LRRC28: variants seen among roughly 807,000 people sequenced by gnomAD.
LRRC28 encodes the protein leucine rich repeat containing 28, also known as leucine-rich repeat-containing protein 28.
LRRC28 carries 39 observed loss-of-function variants against 45.7 expected under a neutral mutation model. That is an observed-to-expected ratio of 0.85 (90% confidence interval 0.66 to 1.12). The LOEUF (loss-of-function observed/expected upper bound fraction) is 1.12, where lower values mean the gene tolerates loss of function less well. LRRC28 is among the 50% of genes most tolerant of loss of function. The probability of loss-of-function intolerance (pLI) is 0.00; values close to 1 mark genes in which losing one functional copy is unlikely to be tolerated. For synonymous variants in LRRC28, 206 were observed against 178.8 expected, an observed-to-expected ratio of 1.15 and a Z score of -1.22; for missense variants, 435 against 438.5, an observed-to-expected ratio of 0.99 and a Z score of 0.07.
At chr15:99,259,239 C>T (rs1364268607) in intron 2 of LRRC28, 1 of 1,045,648 alleles carries the variant, frequency 9.6e-7, no homozygotes, top group African/African-American at 1.6e-5. Flanking sequence ...TGCCTCATGG[C>T]TGGGTCCAGC....
At chr15:99,314,420 A>G (rs1364256722) in intron 5 of LRRC28, among the ~76,000 whole-genome samples, 2 of 150,592 alleles carry the variant, frequency 1.3e-5, no homozygotes, top group Admixed American at 1.3e-4. Flanking sequence ...CCTGGGTGAC[A>G]GAGTGAGACC....
intron 5 of LRRC28, among the ~76,000 whole-genome samples, chr15:99,305,892 A>AT (rs1302115561): frequency 6.6e-6 from 1 of 152,224 alleles, no homozygotes; most frequent in Non-Finnish European, 1.5e-5. Flanking sequence ...ATAACTTCGC[A>AT]TTTCTCCTTC....
chr15:99,335,760 T>C (rs527347015), intron 6 of LRRC28, among the ~76,000 whole-genome samples: 1 of 152,140 alleles, frequency 6.6e-6, no homozygotes, highest in South Asian at 2.1e-4. Context: ...GAGATGGAAG[T>C]GTGACCTACA....
intron 2 of LRRC28, among the ~76,000 whole-genome samples, chr15:99,260,509 G>A (rs962024807): frequency 4.6e-5 from 7 of 152,106 alleles, no homozygotes; most frequent in South Asian, 2.1e-4. Flanking sequence ...TTTGATTTAC[G>A]TATATCAAAG....
intron 5 of LRRC28, among the ~76,000 whole-genome samples, chr15:99,301,019 A>G (rs1381322670): frequency 6.6e-6 from 1 of 152,192 alleles, no homozygotes; most frequent in Non-Finnish European, 1.5e-5. Context: ...AGGAAGAATC[A>G]CCATTACTGT....
intron 3 of LRRC28, among the ~76,000 whole-genome samples, chr15:99,281,110 C>G (rs1374090653): frequency 2.6e-5 from 4 of 152,006 alleles, no homozygotes; most frequent in African/African-American, 9.7e-5. Flanking sequence ...TCGTTGCAGC[C>G]TTGAACTCCT....
chr15:99,309,655 C>T (rs894932977), intron 5 of LRRC28, among the ~76,000 whole-genome samples: 28 of 152,318 alleles, frequency 1.8e-4, no homozygotes, highest in Middle Eastern at 3.4e-3. Context: ...GATCTGCCTG[C>T]CTTGGCCTCC....
At chr15:99,344,087 C>T (rs1393296182) in intron 6 of LRRC28, among the ~76,000 whole-genome samples, 1 of 152,170 alleles carries the variant, frequency 6.6e-6, no homozygotes, top group Admixed American at 6.5e-5. Flanking sequence ...TGCTGGTTCT[C>T]TTCATCATCC....
At chr15:99,276,688 A>G (rs1322250704) in intron 3 of LRRC28, 72 bp downstream of exon 3, 1 of 1,202,712 alleles carries the variant, frequency 8.3e-7, no homozygotes, top group African/African-American at 1.6e-5. Context: ...ATAATAGGAT[A>G]TGTCATCTTA....
Position 99,350,041 on chromosome 15 carries a change from C to T in LRRC28, c.593-2328C>T, listed in dbSNP as rs570991552. 5.3e-5 allele frequency among the ~76,000 whole-genome samples: 8 copies of T among 149,658 alleles called. No homozygotes were observed. The South Asian group carries it at 1.7e-3, about 32-fold the overall frequency. ...GTCCCAGCTACTCGGGAGGCTGAGG[C>T]AGGAGAATGGCGTGAACCCGGGAAG... On this transcript the variant is annotated intron_variant, in intron 6 of 9. Coordinates refer to ENST00000301981, the MANE Select transcript of LRRC28 (RefSeq NM_144598.5).
At chr15:99,346,252 G>A (rs1397078) in intron 6 of LRRC28, among the ~76,000 whole-genome samples, 1 of 151,978 alleles carries the variant, frequency 6.6e-6, no homozygotes, top group African/African-American at 2.4e-5. Context: ...TTGTGGCTCA[G>A]TACAGCCTGG....
intron 9 of LRRC28, among the ~76,000 whole-genome samples, chr15:99,374,825 G>A (rs771954364): frequency 5.9e-5 from 9 of 151,412 alleles, no homozygotes; most frequent in Middle Eastern, 3.4e-3. Flanking sequence ...CCACCACCAC[G>A]CCTGGCTAAA....
In LRRC28 at chr15:99,306,682, T is replaced by A. The variant is rs549844639; in HGVS notation, c.385+18731T>A. On this transcript the variant is annotated intron_variant, in intron 5 of 9. Coordinates refer to ENST00000301981, the MANE Select transcript of LRRC28 (RefSeq NM_144598.5). ...TCTGTGTGAGGAAATGAAAGAAAGT[T>A]CTGGCAGGTTTTAAAAGAAGCCTAG... Among the ~76,000 whole-genome samples, 19 of 152,290 alleles carry A rather than the reference T, an allele frequency of 1.2e-4. No homozygotes were observed. In the South Asian group the frequency reaches 3.9e-3, roughly 32 times the overall value.
chr15:99,301,940 T>C (rs1176224443), intron 5 of LRRC28, among the ~76,000 whole-genome samples: 1 of 152,172 alleles, frequency 6.6e-6, no homozygotes, highest in East Asian at 1.9e-4. Flanking sequence ...CTTTTTTTTT[T>C]CTACATACCA....
intron 5 of LRRC28, among the ~76,000 whole-genome samples, chr15:99,304,950 C>A (rs145790768): frequency 2.0e-5 from 3 of 152,128 alleles, no homozygotes; most frequent in Non-Finnish European, 4.4e-5. Flanking sequence ...GCCTCCACAA[C>A]AATGTGCCTC....
At chr15:99,374,656 G>C (rs1957574020) in intron 9 of LRRC28, among the ~76,000 whole-genome samples, 1 of 151,656 alleles carries the variant, frequency 6.6e-6, no homozygotes, top group Non-Finnish European at 1.5e-5. Context: ...TGTGAAAATA[G>C]ACATCCTTGC....
intron 5 of LRRC28, among the ~76,000 whole-genome samples, chr15:99,305,188 G>A (rs940732479): frequency 1.3e-5 from 2 of 152,196 alleles, no homozygotes; most frequent in African/African-American, 4.8e-5. Context: ...CATGCCAACA[G>A]CCAGGATGGT....
intron 2 of LRRC28, among the ~76,000 whole-genome samples, chr15:99,256,881 G>A (rs1297744179): frequency 6.6e-6 from 1 of 152,102 alleles, no homozygotes; most frequent in East Asian, 1.9e-4. Context: ...GATTTACTTT[G>A]TATGGCCTTT....
chr15:99,279,497 C>G (rs914301954), intron 3 of LRRC28, among the ~76,000 whole-genome samples: 5 of 152,212 alleles, frequency 3.3e-5, no homozygotes, highest in Non-Finnish European at 2.9e-5. Flanking sequence ...GCAACTGGGT[C>G]TTCCAGGGAA....
Sources: allele counts gnomAD v4.1 joint callset (sites outside exome capture counted in the v4.1 genomes callset), GRCh38; gene constraint gnomAD v4.1.1; transcripts MANE v1.5; gene names NCBI Gene and HGNC (gene_info 2026-07-23, HGNC 2026-07-21).